The following CLDN10 variants were observed in gnomAD, a reference collection of about 807,000 sequenced individuals.
CLDN10 encodes claudin 10.
Under a neutral mutation model 22.9 loss-of-function variants are expected in CLDN10, and 15 were observed. The ratio of observed to expected loss-of-function variants is 0.65; its 90% CI spans 0.44 to 1.01. The LOEUF (loss-of-function observed/expected upper bound fraction) is 1.01, where lower values mean the gene tolerates loss of function less well. CLDN10 is among the 50% of genes least tolerant of loss of function. The pLI, the probability that CLDN10 is intolerant of heterozygous loss-of-function variation, is 0.00. For synonymous variants in CLDN10, 114 were observed against 111.4 expected, an observed-to-expected ratio of 1.02 and a Z score of -0.15; for missense variants, 247 against 287.8, an observed-to-expected ratio of 0.86 and a Z score of 1.03.
chr13:95,489,702 C>T (rs1327605328), intron 1 of CLDN10, among the ~76,000 whole-genome samples: 1 of 152,134 alleles, frequency 6.6e-6, no homozygotes, highest in African/African-American at 2.4e-5. Context: ...TTTTACCATG[C>T]AAAAGTTCTT....
chr13:95,528,796 A>C (rs1446742094), intron 1 of CLDN10, among the ~76,000 whole-genome samples: 1 of 152,224 alleles, frequency 6.6e-6, no homozygotes, highest in Non-Finnish European at 1.5e-5. Flanking sequence ...TTAATGAGCC[A>C]TTTTATTAAA....
At chr13:95,512,114 G>C (rs1427305529) in intron 1 of CLDN10, among the ~76,000 whole-genome samples, 1 of 44,006 alleles carries the variant, frequency 2.3e-5, no homozygotes, top group Non-Finnish European at 4.9e-5. Context: ...GACAAAGATC[G>C]TCTCTCCTTT....
intron 1 of CLDN10, among the ~76,000 whole-genome samples, chr13:95,477,236 T>G (rs1472016712): frequency 6.6e-6 from 1 of 152,070 alleles, no homozygotes; most frequent in African/African-American, 2.4e-5. Flanking sequence ...CCAGAGCCCT[T>G]ATTATGGTTT....
At chr13:95,461,639 T>C (rs2042537280) in intron 1 of CLDN10, among the ~76,000 whole-genome samples, 1 of 152,210 alleles carries the variant, frequency 6.6e-6, no homozygotes, top group Non-Finnish European at 1.5e-5. Context: ...AACTGAATTA[T>C]TCCAGGAAAA....
intron 1 of CLDN10, among the ~76,000 whole-genome samples, chr13:95,512,534 T>C (rs2043115864): frequency 1.3e-5 from 2 of 152,180 alleles, no homozygotes; most frequent in Admixed American, 1.3e-4. Flanking sequence ...TTAACTTCCC[T>C]TGAGGGAGAT....
intron 3 of CLDN10, among the ~76,000 whole-genome samples, chr13:95,575,795 A>G (rs563975865): frequency 1.3e-5 from 2 of 152,300 alleles, no homozygotes; most frequent in South Asian, 4.1e-4. Flanking sequence ...AAGGCAACAC[A>G]AGAGTGAGTA....
chr13:95,472,774 G>A (rs2042648227), intron 1 of CLDN10, among the ~76,000 whole-genome samples: 1 of 152,058 alleles, frequency 6.6e-6, no homozygotes, highest in Admixed American at 6.6e-5. Flanking sequence ...TTTAATTTGA[G>A]AGTGTGGGAT....
chr13:95,462,548 C>T (rs1437654989), intron 1 of CLDN10, among the ~76,000 whole-genome samples: 3 of 152,196 alleles, frequency 2.0e-5, no homozygotes, highest in South Asian at 2.1e-4. Flanking sequence ...CCCTATCACA[C>T]GGTTCCCTTT....
upstream of CLDN10, among the ~76,000 whole-genome samples, chr13:95,548,062 G>A (rs537020926): frequency 6.6e-6 from 1 of 152,286 alleles, no homozygotes; most frequent in East Asian, 1.9e-4. Flanking sequence ...TTACAAATGA[G>A]GGAGCTGTAA....
intron 3 of CLDN10, among the ~76,000 whole-genome samples, chr13:95,573,537 T>C (rs1417309451): frequency 6.6e-6 from 1 of 150,502 alleles, no homozygotes; most frequent in Non-Finnish European, 1.5e-5. Flanking sequence ...CTTCTTAGTG[T>C]TACCGAAAAG....
intron 1 of CLDN10, among the ~76,000 whole-genome samples, chr13:95,447,424 G>A (rs1473792934): frequency 1.3e-5 from 2 of 152,182 alleles, no homozygotes; most frequent in African/African-American, 4.8e-5. Context: ...CCACTCTCCT[G>A]TTTAAACCTG....
chr13:95,541,672 T>C (rs924540731), intron 1 of CLDN10, among the ~76,000 whole-genome samples: 4 of 152,190 alleles, frequency 2.6e-5, no homozygotes, highest in African/African-American at 7.2e-5. Flanking sequence ...CACTCACTTT[T>C]TAGACGGGAA....
At position 95,577,861 on chromosome 13, in the gene CLDN10, T is replaced by C; in HGVS notation, c.573-39T>C. The C allele has an allele frequency of 2.9e-6, 4 of 1,365,296 alleles. No individual in the cohort carries two copies. In the Middle Eastern group the frequency reaches 5.4e-4, roughly 184 times the overall value. The allele number at this position is 1,365,296 out of a possible 1,614,324, so 84.6% of individuals were successfully genotyped here. A position where few individuals can be genotyped will look rare whatever the true frequency, so the allele number is the denominator to read the frequency against. The stretch of plus-strand genomic sequence containing the variant: ...TCTTCCCATTTTTGTTTGCCCTATG[T>C]GTAGAATAGAATCTACCAAACTATG... On this transcript the variant is annotated intron_variant, in intron 4 of 4. Transcript: ENST00000299339.
intron 1 of CLDN10, among the ~76,000 whole-genome samples, chr13:95,559,135 A>C (rs2043673811): frequency 6.6e-6 from 1 of 152,170 alleles, no homozygotes; most frequent in African/African-American, 2.4e-5. Flanking sequence ...ATATATGTTT[A>C]TTTGCTTAGC....
chr13:95,434,592 CCA>C (rs1186542285), intron 1 of CLDN10, among the ~76,000 whole-genome samples: 1 of 141,016 alleles, frequency 7.1e-6, no homozygotes, highest in Non-Finnish European at 1.5e-5. Context: ...CATATATAAC[CCA>C]CACAGGTATC....
chr13:95,487,938 A>G (rs1416951142), intron 1 of CLDN10, among the ~76,000 whole-genome samples: 1 of 151,704 alleles, frequency 6.6e-6, no homozygotes, highest in African/African-American at 2.4e-5. Flanking sequence ...TCAGCCTCCC[A>G]AAGTGCTAGG....
intron 1 of CLDN10, among the ~76,000 whole-genome samples, chr13:95,463,818 G>C (rs1265107248): frequency 6.6e-6 from 1 of 152,064 alleles, no homozygotes; most frequent in Non-Finnish European, 1.5e-5. Flanking sequence ...GACAAAAAGA[G>C]TTGTCCAAAC....
At chr13:95,564,312 C>G (rs1430148096) in intron 3 of CLDN10, among the ~76,000 whole-genome samples, 1 of 152,150 alleles carries the variant, frequency 6.6e-6, no homozygotes, top group Non-Finnish European at 1.5e-5. Flanking sequence ...ATAGAGGGAG[C>G]CTCCCAGAGG....
At chr13:95,555,039 T>A (rs1445763216) in intron 1 of CLDN10, among the ~76,000 whole-genome samples, 1 of 141,836 alleles carries the variant, frequency 7.1e-6, no homozygotes. Context: ...CCACTCTGTG[T>A]TAATCCAGTT....
Sources: gnomAD v4.1 joint callset for allele counts (sites outside exome capture counted in the v4.1 genomes callset) on GRCh38, gnomAD v4.1.1 for gene constraint, MANE v1.5 for transcripts, NCBI Gene and HGNC (gene_info 2026-07-23, HGNC 2026-07-21) for gene names.